SMAD5: variants seen among roughly 807,000 people sequenced by gnomAD.
The protein encoded by SMAD5 is MAD, mothers against decapentaplegic homolog 5.
A neutral mutation model predicts 43.1 loss-of-function variants in SMAD5; 9 were observed. The ratio of observed to expected loss-of-function variants is 0.21; its 90% confidence interval spans 0.13 to 0.36. The LOEUF (loss-of-function observed/expected upper bound fraction) is 0.36, where lower values mean the gene tolerates loss of function less well. SMAD5 is among the 10% of genes least tolerant of loss of function. SMAD5 has a pLI of 1.00. For missense variants in SMAD5, 348 were observed against 574.0 expected (o/e 0.61, Z 4.02); for synonymous variants, 190 against 192.4 (o/e 0.99, Z 0.10).
chr5:136,157,807 A>G (rs1263438642), intron 3 of SMAD5, among the ~76,000 whole-genome samples: 1 of 152,160 alleles, frequency 6.6e-6, no homozygotes, highest in Non-Finnish European at 1.5e-5. Context: ...CTGGTTCATA[A>G]GAGAGCATGA....
Position 136,180,955 on chromosome 5 carries a change from G to A in SMAD5, c.*3475G>A, listed in dbSNP as rs1205986412. On this transcript the variant is annotated 3_prime_UTR_variant, in exon 8 of 8. Transcript: ENST00000545279. ...TAAAAACCTTCCATATTACCTGAGGGTACCTGTGGGGAACAGTTCCTTCCC... is the reference window on the plus strand; with the variant it reads ...TAAAAACCTTCCATATTACCTGAGGATACCTGTGGGGAACAGTTCCTTCCC... 3 of 152,092 alleles carry A rather than the reference G, an allele frequency of 2.0e-5. No individual in the cohort carries two copies. The highest frequency in any genetic ancestry group is 6.5e-5 in the Admixed American group (1 of 15,276). The allele number at this position is 152,092 out of a possible 1,614,324, so 9.4% of individuals were successfully genotyped here.
intron 1 of SMAD5, among the ~76,000 whole-genome samples, chr5:136,135,974 T>A (rs1752860641): frequency 6.6e-6 from 1 of 152,210 alleles, no homozygotes; most frequent in Admixed American, 6.5e-5. Context: ...GTCAAAGACA[T>A]TGAGTAAGAT....
At chr5:136,161,131 C>CAAA (rs11437885) in intron 4 of SMAD5, 24 bp downstream of exon 4, 35 of 1,419,252 alleles carry the variant, frequency 2.5e-5, no homozygotes, top group African/African-American at 1.0e-4. Context: ...TTATTGATAC[C>CAAA]AAAAAAAAAA....
At chr5:136,157,201 T>C (rs7726309) in intron 3 of SMAD5, among the ~76,000 whole-genome samples, 150,761 of 152,260 alleles carry the variant, frequency 0.99, 74,641 homozygotes, top group Middle Eastern at 1. Flanking sequence ...AACTTAGGCA[T>C]GCTCACACAG....
intron 1 of SMAD5, among the ~76,000 whole-genome samples, chr5:136,143,814 C>A (rs1046435018): frequency 2.6e-5 from 4 of 151,974 alleles, no homozygotes; most frequent in African/African-American, 9.7e-5. Flanking sequence ...TCTGTCCAAA[C>A]CAGCTGTTTT....
At chr5:136,138,575 A>G (rs1752964788) in intron 1 of SMAD5, among the ~76,000 whole-genome samples, 1 of 152,118 alleles carries the variant, frequency 6.6e-6, no homozygotes, top group Non-Finnish European at 1.5e-5. Context: ...GGATCTAGGG[A>G]TGGTTTGACA....
intron 1 of SMAD5, among the ~76,000 whole-genome samples, chr5:136,147,214 T>C (rs917346056): frequency 6.6e-6 from 1 of 151,726 alleles, no homozygotes. Context: ...ACAAAAAAAA[T>C]ATATTTTTAT....
At chr5:136,133,541 G>T in intron 1 of SMAD5, 1 of 152,494 alleles carries the variant, frequency 6.6e-6, no homozygotes, top group Non-Finnish European at 1.5e-5. Context: ...CCTGGTTTCT[G>T]CCACTTGCCA....
At chr5:136,144,468 T>G (rs1753193252) in intron 1 of SMAD5, among the ~76,000 whole-genome samples, 1 of 151,930 alleles carries the variant, frequency 6.6e-6, no homozygotes, top group South Asian at 2.1e-4. Flanking sequence ...TATAAACAAC[T>G]GTTTTACAAT....
intron 6 of SMAD5, 33 bp downstream of exon 6, chr5:136,172,688 TTCAA>T (rs1336198795): frequency 1.4e-6 from 2 of 1,396,176 alleles, no homozygotes; most frequent in Admixed American, 3.4e-5. Flanking sequence ...TTTAATCGAA[TTCAA>T]TCATTTGTTG....
intron 7 of SMAD5, among the ~76,000 whole-genome samples, chr5:136,176,345 C>T (rs1160739173): frequency 6.7e-6 from 1 of 149,728 alleles, no homozygotes; most frequent in Non-Finnish European, 1.5e-5. Flanking sequence ...ATCCCAGCTA[C>T]TAGGGAGGCT....
At chr5:136,172,408 T>C (rs1185062374) in intron 5 of SMAD5, 26 bp from the exon 6 acceptor site, 1 of 1,381,920 alleles carries the variant, frequency 7.2e-7, no homozygotes, top group Non-Finnish European at 1.0e-6. Context: ...TGTATTAAAC[T>C]CTTTCTGTGT....
At chr5:136,149,267 T>C (rs1326193631) in intron 2 of SMAD5, among the ~76,000 whole-genome samples, 1 of 151,894 alleles carries the variant, frequency 6.6e-6, no homozygotes, top group African/African-American at 2.4e-5. Flanking sequence ...GGGACTATTA[T>C]AAATAAAGTT....
chr5:136,166,891 C>T (rs1465558672), intron 5 of SMAD5, among the ~76,000 whole-genome samples: 3 of 152,124 alleles, frequency 2.0e-5, no homozygotes, highest in Non-Finnish European at 4.4e-5. Flanking sequence ...TGTAATTTGT[C>T]TCAACCAAAC....
chr5:136,144,317 A>G (rs1175982672), intron 1 of SMAD5, among the ~76,000 whole-genome samples: 2 of 152,012 alleles, frequency 1.3e-5, no homozygotes, highest in African/African-American at 4.8e-5. Context: ...TTACTGTAAC[A>G]AGACTTGGCT....
rs1460397718 is a variant in SMAD5 at position 136,182,403 on chromosome 5, C to G, written c.*4923C>G. On this transcript the variant is annotated 3_prime_UTR_variant, in exon 8 of 8. Transcript: ENST00000545279. Reference sequence around the variant, plus strand: ...TTGGCGTAAGTTGTATTTTGAAATTCACTTATTTTAAAATCGAAGAGGATT... The same window carrying G: ...TTGGCGTAAGTTGTATTTTGAAATTGACTTATTTTAAAATCGAAGAGGATT... The G allele has an allele frequency of 6.6e-6, 1 of 151,864 alleles. No individual in the cohort carries two copies. Among genetic ancestry groups the G allele is most frequent in the Admixed American group, 6.6e-5 (1 of 15,226 alleles). The allele number at this position is 151,864 out of a possible 1,614,324, so 9.4% of individuals were successfully genotyped here.
At chr5:136,153,513 T>C (rs1465607370) in intron 2 of SMAD5, 79 bp from the exon 3 acceptor site, 2 of 328,906 alleles carry the variant, frequency 6.1e-6, no homozygotes, top group Admixed American at 4.4e-5. Flanking sequence ...TAATAAAATA[T>C]GCCTTTCGAT....
intron 3 of SMAD5, among the ~76,000 whole-genome samples, chr5:136,158,856 G>A (rs1273787158): frequency 6.6e-6 from 1 of 151,620 alleles, no homozygotes; most frequent in Non-Finnish European, 1.5e-5. Context: ...CCGAGATGGC[G>A]CCAGTGCACT....
chr5:136,139,718 C>T (rs141597711), intron 1 of SMAD5, among the ~76,000 whole-genome samples: 185 of 152,218 alleles, frequency 1.2e-3, no homozygotes, highest in African/African-American at 4.1e-3. Flanking sequence ...TATTTTGAGA[C>T]GGAGTCTTGT....
Sources: allele counts gnomAD v4.1 joint callset (sites outside exome capture counted in the v4.1 genomes callset), GRCh38; gene constraint gnomAD v4.1.1; transcripts MANE v1.5; gene names NCBI Gene and HGNC (gene_info 2026-07-23, HGNC 2026-07-21).